BBS9: variants seen among roughly 807,000 people sequenced by gnomAD.
BBS9 encodes the protein protein PTHB1.
In BBS9, 89 loss-of-function variants were observed where a neutral mutation model predicts 117.7. That is an observed-to-expected ratio of 0.76 (90% CI 0.64 to 0.90). The LOEUF (loss-of-function observed/expected upper bound fraction) is 0.90. Among genes scored for constraint, BBS9 ranks in the 40% least tolerant of loss-of-function variants. BBS9 has a pLI of 0.00. For synonymous variants in BBS9, 379 were observed against 370.9 expected (o/e 1.02, Z -0.25); for missense variants, 982 against 1,042.2 (o/e 0.94, Z 0.80).
rs747969367 is a variant in BBS9 at position 33,287,496 on chromosome 7, C to G, written c.1016+13540C>G. 3.3e-4 allele frequency among the ~76,000 whole-genome samples: 50 copies of G among 152,230 alleles called. 1 individual carries two copies. Among genetic ancestry groups the G allele is most frequent in the Middle Eastern group, 3.4e-3 (1 of 294 alleles). ...TCATTTTTGGAATTCTAACTTGAAACTTGTAAGCAAATTAAGTCTCACCTG... is the reference window on the plus strand; with the variant it reads ...TCATTTTTGGAATTCTAACTTGAAAGTTGTAAGCAAATTAAGTCTCACCTG... On this transcript the variant is annotated intron_variant, in intron 9 of 22. Transcript: ENST00000242067.
intron 21 of BBS9, among the ~76,000 whole-genome samples, chr7:33,599,563 G>A (rs904618526): frequency 2.6e-5 from 4 of 152,254 alleles, no homozygotes; most frequent in Admixed American, 2.6e-4. Context: ...TAATTTGATT[G>A]TCAGCAATTC....
At chr7:33,202,856 C>T (rs1041955829) in intron 5 of BBS9, among the ~76,000 whole-genome samples, 7 of 152,136 alleles carry the variant, frequency 4.6e-5, no homozygotes, top group Non-Finnish European at 1.0e-4. Context: ...TGTTATCATC[C>T]AAAACTTAAC....
At chr7:33,148,281 A>C (rs1019646424) in intron 2 of BBS9, among the ~76,000 whole-genome samples, 1 of 152,180 alleles carries the variant, frequency 6.6e-6, no homozygotes. Context: ...AAGTTGAAAT[A>C]AGAGGGGAGG....
chr7:33,559,830 T>G (rs1028812264), intron 21 of BBS9, among the ~76,000 whole-genome samples: 1 of 152,180 alleles, frequency 6.6e-6, no homozygotes, highest in Admixed American at 6.5e-5. Flanking sequence ...CCAGCAATTA[T>G]GCTGCCATCA....
intron 21 of BBS9, among the ~76,000 whole-genome samples, chr7:33,548,827 A>G (rs576367581): frequency 0.094 from 14,054 of 149,620 alleles, 738 homozygotes; most frequent in African/African-American, 0.14. Flanking sequence ...GGAAGAATCA[A>G]TATCGTGAAA....
At chr7:33,313,196 AT>A (rs1217181329) in intron 9 of BBS9, among the ~76,000 whole-genome samples, 1 of 151,442 alleles carries the variant, frequency 6.6e-6, no homozygotes, top group East Asian at 1.9e-4. Flanking sequence ...TCACTGTCTG[AT>A]TTTTTTGGTC....
intron 19 of BBS9, among the ~76,000 whole-genome samples, chr7:33,398,832 C>T (rs1050665833): frequency 2.0e-5 from 3 of 152,142 alleles, no homozygotes; most frequent in Admixed American, 6.5e-5. Flanking sequence ...ACTACAGGCA[C>T]GCGCCACCAA....
intron 19 of BBS9, among the ~76,000 whole-genome samples, chr7:33,478,207 A>G (rs569366209): frequency 2.4e-4 from 36 of 152,262 alleles, no homozygotes; most frequent in Non-Finnish European, 4.7e-4. Context: ...CTCCAGTGGG[A>G]TTCTGAAAAT....
intron 19 of BBS9, among the ~76,000 whole-genome samples, chr7:33,484,789 C>G (rs539178210): frequency 5.3e-4 from 81 of 152,296 alleles, no homozygotes; most frequent in African/African-American, 1.9e-3. Context: ...AATCCCATTA[C>G]TGGGTATATA....
intron 9 of BBS9, among the ~76,000 whole-genome samples, chr7:33,278,337 C>T (rs753245464): frequency 1.3e-5 from 2 of 152,138 alleles, no homozygotes; most frequent in Non-Finnish European, 2.9e-5. Flanking sequence ...TGCATGTATT[C>T]ATAGGTGCCT....
chr7:33,179,360 G>C (rs1291697838), intron 5 of BBS9, among the ~76,000 whole-genome samples: 4 of 152,194 alleles, frequency 2.6e-5, no homozygotes, highest in Non-Finnish European at 5.9e-5. Flanking sequence ...TTTCACAGCA[G>C]GAGGTGAGCG....
rs202052967 is a variant in BBS9 at position 33,574,727 on chromosome 7, G to A, written c.2522-30138G>A. 8.0e-3 allele frequency among the ~76,000 whole-genome samples: 711 copies of A among 88,860 alleles called. 7 individuals carry two copies. The highest frequency in any genetic ancestry group is 0.035 in the South Asian group (100 of 2,878). 58.3% of individuals were successfully genotyped at this position (88,860 alleles called of 152,430 possible). A position where few individuals can be genotyped will look rare whatever the true frequency, so the allele number is the denominator to read the frequency against. On this transcript the variant is annotated intron_variant, in intron 21 of 22. Coordinates refer to ENST00000242067, the MANE Select transcript of BBS9 (RefSeq NM_198428.3). ...CACACACACACACACACACACACAC[G>A]CGCACACACACACACTTTCACTATT... is the stretch of plus-strand genomic sequence containing the variant.
At chr7:33,294,371 A>C (rs915418231) in intron 9 of BBS9, among the ~76,000 whole-genome samples, 1 of 142,188 alleles carries the variant, frequency 7.0e-6, no homozygotes, top group Non-Finnish European at 1.5e-5. Flanking sequence ...CCATCCATCC[A>C]TCCATCCATC....
intron 9 of BBS9, among the ~76,000 whole-genome samples, chr7:33,310,016 C>T (rs1808877973): frequency 6.6e-6 from 1 of 152,208 alleles, no homozygotes; most frequent in Admixed American, 6.5e-5. Flanking sequence ...GCACATATCA[C>T]AACAAATATC....
chr7:33,616,641 A>G (rs979870438), intron 21 of BBS9, among the ~76,000 whole-genome samples: 3 of 151,696 alleles, frequency 2.0e-5, no homozygotes, highest in Non-Finnish European at 2.9e-5. Flanking sequence ...AGTAACAAAT[A>G]TGATAGATCT....
intron 19 of BBS9, among the ~76,000 whole-genome samples, chr7:33,408,852 G>T (rs1830582608): frequency 6.6e-6 from 1 of 152,116 alleles, no homozygotes; most frequent in Admixed American, 6.6e-5. Context: ...CCTTTTCTCT[G>T]CAGTCTCACA....
chr7:33,432,828 G>A (rs1427874831), intron 19 of BBS9, among the ~76,000 whole-genome samples: 1 of 150,508 alleles, frequency 6.6e-6, no homozygotes, highest in Admixed American at 6.6e-5. Flanking sequence ...TATCATATTT[G>A]GAACGTTATG....
chr7:33,274,796 AC>A (rs1159331935), intron 9 of BBS9, among the ~76,000 whole-genome samples: 1 of 152,072 alleles, frequency 6.6e-6, no homozygotes, highest in Non-Finnish European at 1.5e-5. Context: ...GGAGTTCAAG[AC>A]CAGCCTGGCC....
At chr7:33,140,441 T>C (rs1267105176) in intron 1 of BBS9, among the ~76,000 whole-genome samples, 1 of 152,196 alleles carries the variant, frequency 6.6e-6, no homozygotes, top group Non-Finnish European at 1.5e-5. Context: ...TTTCATCCTT[T>C]TATCGTAGCC....
Sources: gnomAD v4.1 joint callset for allele counts (sites outside exome capture counted in the v4.1 genomes callset) on GRCh38, gnomAD v4.1.1 for gene constraint, MANE v1.5 for transcripts, NCBI Gene and HGNC (gene_info 2026-07-23, HGNC 2026-07-21) for gene names.